Variants in ETV7 observed in about 807,000 individuals in gnomAD.
The protein encoded by ETV7 is ETS variant transcription factor 7.
A neutral mutation model predicts 39.1 loss-of-function variants in ETV7; 43 were observed. The observed-to-expected ratio is 1.10, with a 90% CI of 0.86 to 1.42. ETV7 has a LOEUF of 1.42. Ranked by LOEUF, ETV7 falls within the 40% of genes most tolerant of loss-of-function variation. The probability of loss-of-function intolerance (pLI) is 0.00; values close to 1 mark genes in which losing one functional copy is unlikely to be tolerated. For synonymous variants in ETV7, 196 were observed against 176.6 expected (o/e 1.11, Z -0.87); for missense variants, 432 against 442.3 (o/e 0.98, Z 0.21).
chr6:36,356,560 A>G (rs1772347992), intron 7 of ETV7, among the ~76,000 whole-genome samples: 2 of 152,134 alleles, frequency 1.3e-5, no homozygotes, highest in African/African-American at 2.4e-5. Flanking sequence ...AGCTTGGGGT[A>G]ACTTCCCAGC....
chr6:36,360,134 GC>G (rs1198072053), intron 7 of ETV7, among the ~76,000 whole-genome samples: 3 of 152,070 alleles, frequency 2.0e-5, no homozygotes, highest in Middle Eastern at 3.4e-3. Context: ...CTCGTAATCC[GC>G]CCGCCTCGGC....
chr6:36,379,007 G>A (rs1773513461), intron 2 of ETV7, among the ~76,000 whole-genome samples: 1 of 152,232 alleles, frequency 6.6e-6, no homozygotes, highest in Admixed American at 6.5e-5. Flanking sequence ...GTGAAGATAG[G>A]AATTTAGAGC....
At chr6:36,365,502 G>A (rs1482416548), downstream of ETV7, among the ~76,000 whole-genome samples, 2 of 152,156 alleles carry the variant, frequency 1.3e-5, no homozygotes, top group Non-Finnish European at 1.5e-5. Context: ...CCAGAGAGGC[G>A]GAACACCTTG....
intron 1 of ETV7, among the ~76,000 whole-genome samples, chr6:36,387,209 G>A (rs1327752431): frequency 1.3e-5 from 2 of 152,200 alleles, no homozygotes; most frequent in Non-Finnish European, 2.9e-5. Context: ...GGACCTGGCT[G>A]GCGCACGAAC....
downstream of ETV7, among the ~76,000 whole-genome samples, chr6:36,365,197 C>T (rs988913331): frequency 6.6e-6 from 1 of 152,222 alleles, no homozygotes; most frequent in African/African-American, 2.4e-5. Flanking sequence ...TCTCCTTCTA[C>T]CTGAGCTTTA....
chr6:36,377,161 C>T (rs1250308147), intron 2 of ETV7, among the ~76,000 whole-genome samples: 1 of 152,100 alleles, frequency 6.6e-6, no homozygotes, highest in African/African-American at 2.4e-5. Context: ...CCTTTGTGGG[C>T]AAAAAATATT....
At chr6:36,368,714 GAC>G (rs371262174) in intron 6 of ETV7, among the ~76,000 whole-genome samples, 6 of 152,308 alleles carry the variant, frequency 3.9e-5, no homozygotes, top group Middle Eastern at 3.4e-3. Flanking sequence ...GCAATGAGAA[GAC>G]ACAATTGTTC....
At chr6:36,367,689 C>T (rs1772800672) in intron 6 of ETV7, among the ~76,000 whole-genome samples, 1 of 151,490 alleles carries the variant, frequency 6.6e-6, no homozygotes, top group African/African-American at 2.4e-5. Flanking sequence ...TGACTTTGGC[C>T]AAGTCATTTC....
At chr6:36,364,139 C>T (rs1468743855), downstream of ETV7, among the ~76,000 whole-genome samples, 3 of 152,258 alleles carry the variant, frequency 2.0e-5, no homozygotes, top group Non-Finnish European at 4.4e-5. Flanking sequence ...TCCACCTCCC[C>T]ACCAGACTCA....
chr6:36,356,028 CT>C (rs1772326773), intron 7 of ETV7, among the ~76,000 whole-genome samples: 1 of 152,084 alleles, frequency 6.6e-6, no homozygotes, highest in Non-Finnish European at 1.5e-5. Context: ...AGAAATAGAC[CT>C]TTCATAATTG....
chr6:36,370,226 G>A (rs993800111), intron 5 of ETV7, among the ~76,000 whole-genome samples: 1 of 152,172 alleles, frequency 6.6e-6, no homozygotes, highest in Admixed American at 6.5e-5. Flanking sequence ...CAGGGGAAGA[G>A]CCAGGGTGGA....
chr6:36,367,636 A>G (rs528959557), intron 6 of ETV7, among the ~76,000 whole-genome samples: 1 of 152,116 alleles, frequency 6.6e-6, no homozygotes, highest in Admixed American at 6.5e-5. Context: ...GAGAGACAGT[A>G]TGGTGGGGTG....
chr6:36,381,153 G>T (rs1248404029), intron 2 of ETV7, among the ~76,000 whole-genome samples: 3 of 152,106 alleles, frequency 2.0e-5, no homozygotes, highest in Non-Finnish European at 4.4e-5. Flanking sequence ...TCCCTACCTT[G>T]CAGGATCCCC....
At chr6:36,373,255 G>A (rs1378893377) in intron 4 of ETV7, among the ~76,000 whole-genome samples, 198 bp downstream of exon 4, 1 of 151,654 alleles carries the variant, frequency 6.6e-6, no homozygotes, top group East Asian at 1.9e-4. Context: ...GCAGAGAATG[G>A]GGAGGTGGGA....
intron 2 of ETV7, among the ~76,000 whole-genome samples, chr6:36,382,198 G>T (rs1198772097): frequency 6.6e-6 from 1 of 151,920 alleles, no homozygotes; most frequent in Non-Finnish European, 1.5e-5. Context: ...ATAATATTTT[G>T]TACCCACACA....
intron 2 of ETV7, 67 bp from the exon 3 acceptor site, chr6:36,376,102 A>C (rs182383153): frequency 2.7e-5 from 40 of 1,454,732 alleles, no homozygotes; most frequent in Admixed American, 7.7e-5. Flanking sequence ...CACCCTGAAC[A>C]CTTCATCTGA....
At chr6:36,387,353 G>C (rs1433562725) in intron 1 of ETV7, among the ~76,000 whole-genome samples, 183 bp downstream of exon 1, 1 of 152,160 alleles carries the variant, frequency 6.6e-6, no homozygotes, top group Non-Finnish European at 1.5e-5. Flanking sequence ...GGTGACCCGC[G>C]TCTGGAGGTG....
intron 7 of ETV7, among the ~76,000 whole-genome samples, chr6:36,355,798 C>T (rs1368174076): frequency 6.6e-6 from 1 of 152,188 alleles, no homozygotes; most frequent in Non-Finnish European, 1.5e-5. Flanking sequence ...GGAGATGGTA[C>T]ACATGGCATT....
At chr6:36,361,041 C>G (rs1446849045) in intron 7 of ETV7, among the ~76,000 whole-genome samples, 1 of 152,194 alleles carries the variant, frequency 6.6e-6, no homozygotes, top group Non-Finnish European at 1.5e-5. Context: ...GGCCCTATTC[C>G]CCTTTGTTTA....
Sources: gnomAD v4.1 joint callset for allele counts (sites outside exome capture counted in the v4.1 genomes callset) on GRCh38, gnomAD v4.1.1 for gene constraint, MANE v1.5 for transcripts, NCBI Gene and HGNC (gene_info 2026-07-23, HGNC 2026-07-21) for gene names.